The following THEMIS variants were observed in gnomAD, a reference collection of about 807,000 sequenced individuals.
THEMIS encodes the protein protein THEMIS.
THEMIS carries 37 observed loss-of-function variants against 52.6 expected under a neutral mutation model. The observed-to-expected ratio is 0.70, with a 90% CI of 0.54 to 0.93. The LOEUF (loss-of-function observed/expected upper bound fraction) is 0.93. THEMIS is among the 40% of genes least tolerant of loss of function. The probability of loss-of-function intolerance (pLI) is 0.00; values close to 1 mark genes in which losing one functional copy is unlikely to be tolerated. For missense variants in THEMIS, 808 were observed against 763.1 expected, an observed-to-expected ratio of 1.06 and a Z score of -0.69; for synonymous variants, 292 against 272.7, an observed-to-expected ratio of 1.07 and a Z score of -0.70.
intron 4 of THEMIS, among the ~76,000 whole-genome samples, chr6:127,788,114 C>T (rs1777037702): frequency 6.6e-6 from 1 of 152,178 alleles, no homozygotes; most frequent in African/African-American, 2.4e-5. Flanking sequence ...CCCATCCTTT[C>T]CTCAGGTGAG....
At chr6:127,901,113 G>T, upstream of THEMIS, 1 of 585,216 alleles carries the variant, frequency 1.7e-6, no homozygotes, top group Non-Finnish European at 3.1e-6. Flanking sequence ...GAGGGAGGGG[G>T]GAAGCAGGAG....
chr6:127,732,547 A>G (rs1774849363), intron 4 of THEMIS, among the ~76,000 whole-genome samples: 1 of 152,146 alleles, frequency 6.6e-6, no homozygotes, highest in Non-Finnish European at 1.5e-5. Flanking sequence ...CCTCAACCTA[A>G]TCACATTTCC....
At chr6:127,885,222 T>C (rs1005207222) in intron 1 of THEMIS, among the ~76,000 whole-genome samples, 25 of 152,160 alleles carry the variant, frequency 1.6e-4, no homozygotes, top group African/African-American at 5.8e-4. Context: ...TTTTCTACTA[T>C]TCCCTGAGAA....
rs533855035 is a variant in THEMIS at position 127,858,344 on chromosome 6, T to G, written c.92-3156A>C. 3.9e-5 allele frequency among the ~76,000 whole-genome samples: 6 copies of G among 152,206 alleles called. No homozygotes were observed. In the South Asian group the frequency reaches 1.2e-3, roughly 32 times the overall value. On this transcript the variant is annotated intron_variant, in intron 1 of 5. Coordinates refer to ENST00000368248, the MANE Select transcript of THEMIS (RefSeq NM_001010923.3). ...CATGTAAATAATAATCTTTTGTAAT[T>G]TCTCTTTAATATTTCGTGACTTCCA...
Position 127,813,896 on chromosome 6 carries a change from C to G in THEMIS, c.745G>C (p.Asp249His). 6.3e-7 allele frequency: 1 copy of G among 1,596,770 alleles called. No homozygotes were observed. The change falls in exon 4 of 6, where the codon GAT becomes CAT. Residue 249 changes from aspartate to histidine, a missense_variant. Asp to His is a moderately conservative substitution (Grantham distance 81). Coordinates refer to ENST00000368248, the MANE Select transcript of THEMIS (RefSeq NM_001010923.3). Reference protein sequence around the residue: ...KDIIRILPSLDVEVKDITDSY... With the variant: ...KDIIRILPSLHVEVKDITDSY... Reference sequence around the variant, plus strand: ...TCAGTGATGTCTTTGACTTCGACATCTAGACTGGGGAGGATGCGGATTATA... The same window carrying G: ...TCAGTGATGTCTTTGACTTCGACATGTAGACTGGGGAGGATGCGGATTATA...
intron 1 of THEMIS, among the ~76,000 whole-genome samples, chr6:127,894,968 C>CATATATTTATATGAATAT (rs1265072350): frequency 6.8e-6 from 1 of 147,650 alleles, no homozygotes; most frequent in Non-Finnish European, 1.5e-5. Flanking sequence ...TTTGAAAATA[C>CATATATTTATATGAATAT]ATATATTTAT....
At chr6:127,787,352 C>T (rs1247637138) in intron 4 of THEMIS, among the ~76,000 whole-genome samples, 1 of 152,080 alleles carries the variant, frequency 6.6e-6, no homozygotes, top group African/African-American at 2.4e-5. Flanking sequence ...TAGATCTACT[C>T]ATGCACATAA....
intron 1 of THEMIS, among the ~76,000 whole-genome samples, chr6:127,881,245 T>G (rs1780476477): frequency 6.6e-6 from 1 of 152,086 alleles, no homozygotes; most frequent in Admixed American, 6.5e-5. Context: ...CTTTAGTGAA[T>G]GTTTTAAAGT....
At chr6:127,877,951 A>C (rs1562316625) in intron 1 of THEMIS, among the ~76,000 whole-genome samples, 1 of 152,230 alleles carries the variant, frequency 6.6e-6, no homozygotes. Context: ...AGGATCAGGA[A>C]AATGCTAGTT....
At chr6:127,856,536 G>A (rs1219882113) in intron 1 of THEMIS, among the ~76,000 whole-genome samples, 1 of 151,924 alleles carries the variant, frequency 6.6e-6, no homozygotes, top group Non-Finnish European at 1.5e-5. Flanking sequence ...CCCCACAGAA[G>A]TCAGCTTCCC....
At chr6:127,835,809 C>G (rs1414963543) in intron 2 of THEMIS, among the ~76,000 whole-genome samples, 7 of 152,066 alleles carry the variant, frequency 4.6e-5, no homozygotes, top group Admixed American at 4.6e-4. Flanking sequence ...GGAAATGAGC[C>G]TCAGGTGACC....
chr6:127,817,834 G>A (rs1015898363), intron 3 of THEMIS, among the ~76,000 whole-genome samples: 4 of 152,174 alleles, frequency 2.6e-5, no homozygotes. Context: ...TGGGGAGTAT[G>A]TTTAGGAGGG....
rs1304467032 is a variant in THEMIS at position 127,911,447 on chromosome 6, T to G, written c.-150+6981A>C. On this transcript the variant is annotated intron_variant, in intron 1 of 6. Coordinates refer to the THEMIS transcript ENST00000368250. ...TATATATCCATGAATATTTTATACC[T>G]ATCCATGGATATATATTTTATACTT... 2.0e-5 allele frequency among the ~76,000 whole-genome samples: 3 copies of G among 151,156 alleles called. 1 individual carries two copies. The highest frequency in any genetic ancestry group is 7.4e-5 in the African/African-American group (3 of 40,578).
At chr6:127,791,196 G>A (rs1777143375) in intron 4 of THEMIS, among the ~76,000 whole-genome samples, 1 of 152,196 alleles carries the variant, frequency 6.6e-6, no homozygotes. Context: ...TAGAGGGTGA[G>A]CAAGGTGAAG....
At chr6:127,871,461 T>C (rs930788743) in intron 1 of THEMIS, among the ~76,000 whole-genome samples, 6 of 151,670 alleles carry the variant, frequency 4.0e-5, no homozygotes, top group Admixed American at 3.3e-4. Flanking sequence ...TAATCTAAGC[T>C]CATAATTCAA....
chr6:127,793,542 C>T (rs146189532), intron 4 of THEMIS, among the ~76,000 whole-genome samples: 1,550 of 152,268 alleles, frequency 0.01, 16 homozygotes, highest in Middle Eastern at 0.02. Context: ...CAGACAAGGA[C>T]TTCTATTTGG....
intron 1 of THEMIS, among the ~76,000 whole-genome samples, chr6:127,889,501 G>A (rs1780740421): frequency 1.3e-5 from 2 of 151,992 alleles, no homozygotes; most frequent in South Asian, 2.1e-4. Context: ...CTCCTTGCAG[G>A]GATCTCTAAA....
At chr6:127,843,275 C>CT (rs869130892) in intron 2 of THEMIS, among the ~76,000 whole-genome samples, 133 of 145,890 alleles carry the variant, frequency 9.1e-4, no homozygotes, top group East Asian at 1.2e-3. Flanking sequence ...AATATCACCT[C>CT]TTTTTTTTTT....
At chr6:127,734,519 G>A (rs1164441991) in intron 4 of THEMIS, among the ~76,000 whole-genome samples, 1 of 152,048 alleles carries the variant, frequency 6.6e-6, no homozygotes. Flanking sequence ...GTAAGAAAAC[G>A]TTTGGTCTAA....
Sources: allele counts gnomAD v4.1 joint callset (sites outside exome capture counted in the v4.1 genomes callset), GRCh38; gene constraint gnomAD v4.1.1; transcripts MANE v1.5; gene names NCBI Gene and HGNC (gene_info 2026-07-23, HGNC 2026-07-21).